Variants in SPACA1 observed in about 807,000 individuals in gnomAD.
SPACA1 encodes sperm acrosome associated 1, also known as sperm acrosome membrane-associated protein 1.
A neutral mutation model predicts 32.6 loss-of-function variants in SPACA1; 17 were observed. The ratio of observed to expected loss-of-function variants is 0.52; its 90% confidence interval spans 0.36 to 0.78. The LOEUF (loss-of-function observed/expected upper bound fraction) is 0.78, where lower values mean the gene tolerates loss of function less well. SPACA1 is among the 30% of genes least tolerant of loss of function. SPACA1 has a pLI of 0.01. For missense variants in SPACA1, 363 were observed against 373.4 expected (o/e 0.97, Z 0.23); for synonymous variants, 140 against 138.1 (o/e 1.01, Z -0.10).
At chr6:88,062,827 C>G (rs766609121) in intron 5 of SPACA1, among the ~76,000 whole-genome samples, 3 of 152,056 alleles carry the variant, frequency 2.0e-5, no homozygotes, top group Non-Finnish European at 4.4e-5. Context: ...GTATAGAAAA[C>G]AATGAGCTTC....
chr6:88,047,705 C>T, upstream of SPACA1: 1 of 587,258 alleles, frequency 1.7e-6, no homozygotes. Context: ...TTCCGTCTTG[C>T]ACGCCTCGCA....
chr6:88,057,351 A>C lies in SPACA1; in HGVS notation c.266-261A>C, dbSNP rs988258680. Among the ~76,000 whole-genome samples, 4 of 152,340 alleles carry C rather than the reference A, an allele frequency of 2.6e-5. No homozygotes were observed. In the East Asian group the frequency reaches 7.7e-4, roughly 29 times the overall value. ...AATTTCATTTGATGTAACATTTTCAAATGTGTATGATCATGGAATCCTTTT... is the reference window on the plus strand; with the variant it reads ...AATTTCATTTGATGTAACATTTTCACATGTGTATGATCATGGAATCCTTTT... On this transcript the variant is annotated intron_variant, in intron 2 of 6. Transcript: ENST00000237201.
intron 2 of SPACA1, 33 bp downstream of exon 2, chr6:88,054,035 T>A: frequency 6.2e-7 from 1 of 1,605,984 alleles, no homozygotes; most frequent in Non-Finnish European, 8.5e-7. Flanking sequence ...ATAAACCATG[T>A]TGTAATTTGC....
At chr6:88,065,315 A>G (rs1775964845) in intron 6 of SPACA1, among the ~76,000 whole-genome samples, 1 of 148,346 alleles carries the variant, frequency 6.7e-6, no homozygotes, top group Non-Finnish European at 1.5e-5. Flanking sequence ...GGTAATATAT[A>G]TTATATTTAC....
Position 88,057,674 on chromosome 6 carries a change from G to A in SPACA1, c.328G>A (p.Val110Ile), listed in dbSNP as rs1775829904. Residue 110 changes from valine (V) to isoleucine (I), a missense_variant, in exon 3 of 7, where the codon GTA becomes ATA. Coordinates refer to ENST00000237201, the MANE Select transcript of SPACA1 (RefSeq NM_030960.3). ...CCCTGGTGGTGAATCCAAGTGTGTT[G>A]TACGGGTAGAAGAATGCCGTGGACC... is the stretch of plus-strand genomic sequence containing the variant. ...GCPGGESKCV[V>I]RVEECRGPTD... is the part of the protein sequence containing the mutation. 2 of 1,614,060 alleles carry A rather than the reference G, an allele frequency of 1.2e-6. No individual in the cohort carries two copies. The highest frequency in any genetic ancestry group is 1.7e-6 in the Non-Finnish European group (2 of 1,179,980).
At chr6:88,063,093 T>C (rs1229536631) in intron 5 of SPACA1, among the ~76,000 whole-genome samples, 1 of 152,162 alleles carries the variant, frequency 6.6e-6, no homozygotes, top group Non-Finnish European at 1.5e-5. Context: ...AGCCAAAATC[T>C]GGTAGAAAAC....
Position 88,066,295 on chromosome 6 carries a change from T to A in SPACA1, c.845T>A (p.Met282Lys), listed in dbSNP as rs994863098. 1.2e-6 allele frequency: 2 copies of A among 1,612,122 alleles called. No individual in the cohort carries two copies. Among genetic ancestry groups the A allele is most frequent in the Non-Finnish European group, 1.7e-6 (2 of 1,178,816 alleles). Reference protein sequence around the residue: ...STSLDQLPTEMPGEDDALSEW... With the variant: ...STSLDQLPTEKPGEDDALSEW... ...TCTCTTGACCAATTACCAACAGAAA[T>A]GCCTGGTGAAGATGATGCTTTAAGT... The change falls in exon 7 of 7, where the codon ATG (methionine) becomes AAG (lysine). Residue 282 changes from methionine to lysine, a missense_variant. Met to Lys is a moderately conservative substitution (Grantham distance 95, BLOSUM62 -1). Coordinates refer to ENST00000237201, the MANE Select transcript of SPACA1 (RefSeq NM_030960.3).
chr6:88,048,100 T>G lies in SPACA1; in HGVS notation c.195T>G (p.Pro65=). ...AGACCGCGGAGAACTACGCTCCGCCTGAAACCGAGGATGGTGAGGGCGGGA... is the reference window on the plus strand; with the variant it reads ...AGACCGCGGAGAACTACGCTCCGCCGGAAACCGAGGATGGTGAGGGCGGGA... ...DSETAENYAP[P]ETEDVSNRNV... Residue 65 remains proline, a synonymous_variant, in exon 1 of 7, where the codon CCT becomes CCG. Transcript: ENST00000237201. 6.3e-7 allele frequency: 1 copy of G among 1,592,740 alleles called. No individual in the cohort carries two copies. Among genetic ancestry groups the G allele is most frequent in the Non-Finnish European group, 8.5e-7 (1 of 1,170,860 alleles).
chr6:88,063,905 G>T (rs917472191), intron 5 of SPACA1, among the ~76,000 whole-genome samples, 194 bp from the exon 6 acceptor site: 1 of 152,064 alleles, frequency 6.6e-6, no homozygotes, highest in Non-Finnish European at 1.5e-5. Flanking sequence ...GCTGTTCGTT[G>T]TCAAATTCTT....
chr6:88,060,762 T>TG (rs1373253154), intron 5 of SPACA1, among the ~76,000 whole-genome samples: 1 of 152,238 alleles, frequency 6.6e-6, no homozygotes, highest in East Asian at 1.9e-4. Flanking sequence ...TAAAGGTGTG[T>TG]GGAGCCATTC....
In SPACA1 at chr6:88,059,501, G is replaced by C. The variant is rs199658934; in HGVS notation, c.523G>C (p.Glu175Gln). ...NDSAILEVRKESHPLAFECDT... is the reference protein window; with the variant it reads ...NDSAILEVRKQSHPLAFECDT... ...TTCAGCAATCCTAGAAGTACGCAAG[G>C]AAAGTCACCCCTTGGCTTTCGAGTG... is the stretch of plus-strand genomic sequence containing the variant. The change falls in exon 5 of 7, where the codon GAA becomes CAA. Residue 175 changes from glutamate to glutamine, a missense_variant. By Grantham distance (29) the Glu-to-Gln change is conservative. Coordinates refer to ENST00000237201, the MANE Select transcript of SPACA1 (RefSeq NM_030960.3). 6.2e-7 allele frequency: 1 copy of C among 1,613,190 alleles called. No homozygotes were observed. Among genetic ancestry groups the C allele is most frequent in the African/African-American group, 1.3e-5 (1 of 74,970 alleles).
intron 1 of SPACA1, among the ~76,000 whole-genome samples, chr6:88,049,920 G>A (rs1775703870): frequency 6.6e-6 from 1 of 151,986 alleles, no homozygotes; most frequent in African/African-American, 2.4e-5. Flanking sequence ...CACTTGTATT[G>A]TCAAAAAAAC....
chr6:88,064,645 G>C (rs755839790), intron 6 of SPACA1, among the ~76,000 whole-genome samples: 2 of 151,370 alleles, frequency 1.3e-5, no homozygotes, highest in Non-Finnish European at 2.9e-5. Flanking sequence ...ATATACTATC[G>C]ATTTGTAGCT....
chr6:88,050,314 A>G (rs979534063), intron 1 of SPACA1, among the ~76,000 whole-genome samples: 1 of 152,212 alleles, frequency 6.6e-6, no homozygotes, highest in Non-Finnish European at 1.5e-5. Context: ...CCCCAGAAAT[A>G]TAATGTTTAC....
At chr6:88,063,767 A>C (rs1775933284) in intron 5 of SPACA1, among the ~76,000 whole-genome samples, 1 of 152,178 alleles carries the variant, frequency 6.6e-6, no homozygotes, top group African/African-American at 2.4e-5. Context: ...AAAATTTTTG[A>C]GGAAGTGTAC....
In SPACA1 at chr6:88,066,376, T is replaced by C. The variant is rs181611008; in HGVS notation, c.*41T>C. The C allele has an allele frequency of 6.7e-7, 1 of 1,501,728 alleles. No individual in the cohort carries two copies. The highest frequency in any genetic ancestry group is 2.3e-5 in the East Asian group (1 of 43,180). 93.0% of individuals were successfully genotyped at this position (1,501,728 alleles called of 1,614,324 possible). ...TAACAAACCAAAGGATATTACAGAA[T>C]ATTAGATTCATTATTACAAAAATAA... On this transcript the variant is annotated 3_prime_UTR_variant, in exon 7 of 7. Transcript: ENST00000237201.
At chr6:88,063,144 A>T (rs2127801987) in intron 5 of SPACA1, among the ~76,000 whole-genome samples, 1 of 152,318 alleles carries the variant, frequency 6.6e-6, no homozygotes, top group South Asian at 2.1e-4. Flanking sequence ...AGTTTGAGAA[A>T]GTTCTCATGG....
intron 1 of SPACA1, among the ~76,000 whole-genome samples, chr6:88,049,922 CA>C (rs985590251): frequency 3.3e-5 from 5 of 151,918 alleles, no homozygotes; most frequent in African/African-American, 1.2e-4. Context: ...CTTGTATTGT[CA>C]AAAAAACCAA....
intron 1 of SPACA1, among the ~76,000 whole-genome samples, chr6:88,053,004 A>G (rs1775753623): frequency 6.6e-6 from 1 of 152,232 alleles, no homozygotes; most frequent in African/African-American, 2.4e-5. Flanking sequence ...TGTTTGTAGT[A>G]CTAAACAATT....
Sources: gnomAD v4.1 joint callset for allele counts (sites outside exome capture counted in the v4.1 genomes callset) on GRCh38, gnomAD v4.1.1 for gene constraint, MANE v1.5 for transcripts, NCBI Gene and HGNC (gene_info 2026-07-23, HGNC 2026-07-21) for gene names.